The following SMIM3 variants were observed in gnomAD, a reference collection of about 807,000 sequenced individuals.
SMIM3 encodes small integral membrane protein 3.
SMIM3 carries 4 observed loss-of-function variants against 2.1 expected under a neutral mutation model. The ratio of observed to expected loss-of-function variants is 1.89; its 90% CI spans 0.93 to 4.31. SMIM3 has a LOEUF of 4.31. SMIM3 is among the 30% of genes most tolerant of loss of function. The probability of loss-of-function intolerance (pLI) is 0.01; values close to 1 mark genes in which losing one functional copy is unlikely to be tolerated. For synonymous variants in SMIM3, 29 were observed against 30.8 expected, an observed-to-expected ratio of 0.94 and a Z score of 0.19; for missense variants, 79 against 77.7, an observed-to-expected ratio of 1.02 and a Z score of -0.06.
chr5:150,793,457 C>T (rs912086186), intron 1 of SMIM3, among the ~76,000 whole-genome samples: 2 of 152,130 alleles, frequency 1.3e-5, no homozygotes, highest in African/African-American at 4.8e-5. Flanking sequence ...TAGTATGGTA[C>T]TGGTATAAAA....
intron 1 of SMIM3, among the ~76,000 whole-genome samples, chr5:150,785,818 A>G (rs1753285890): frequency 6.6e-6 from 1 of 151,808 alleles, no homozygotes; most frequent in African/African-American, 2.4e-5. Flanking sequence ...CCTGACCTCA[A>G]ATGATCTGCC....
chr5:150,779,116 T>C, intron 1 of SMIM3, 144 bp downstream of exon 1: 1 of 399,416 alleles, frequency 2.5e-6, no homozygotes, highest in East Asian at 7.2e-5. Context: ...ATTTCTCCCT[T>C]TTCATCACTT....
chr5:150,786,476 G>A (rs753690925), intron 1 of SMIM3, among the ~76,000 whole-genome samples: 1 of 151,986 alleles, frequency 6.6e-6, no homozygotes, highest in African/African-American at 2.4e-5. Context: ...TTGTGGAGAT[G>A]GGATTTTGCC....
At position 150,788,779 on chromosome 5, in the gene SMIM3, C is replaced by G. The variant is rs144408807; in HGVS notation, c.-11-6651C>G. 5.9e-5 allele frequency among the ~76,000 whole-genome samples: 9 copies of G among 152,040 alleles called. No homozygotes were observed. The East Asian group carries it at 1.7e-3, about 29-fold the overall frequency. On this transcript the variant is annotated intron_variant, in intron 1 of 1. Transcript: ENST00000526627. ...ATTGTTGACTTTTCCATTGAATTGG[C>G]TAAGTTACTTAACCCCTATGGACTG...
intron 1 of SMIM3, among the ~76,000 whole-genome samples, chr5:150,794,837 T>A (rs1358708680): frequency 6.6e-6 from 1 of 152,200 alleles, no homozygotes; most frequent in Non-Finnish European, 1.5e-5. Context: ...TATACCTTTT[T>A]AATTTTATTT....
chr5:150,787,516 T>C (rs1529477), intron 1 of SMIM3, among the ~76,000 whole-genome samples: 22,013 of 152,156 alleles, frequency 0.14, 2,863 homozygotes, highest in African/African-American at 0.34. Flanking sequence ...TGCTTATACA[T>C]TGGGTCTGTG....
In SMIM3 at chr5:150,796,661, T is replaced by G. The variant is rs1753412548; in HGVS notation, c.*1038T>G. The G allele has an allele frequency of 6.6e-6, 1 of 152,380 alleles. No homozygotes were observed. The highest frequency in any genetic ancestry group is 2.4e-5 in the African/African-American group (1 of 41,460). 9.4% of individuals were successfully genotyped at this position (152,380 alleles called of 1,614,324 possible). ...GCACAGATATCGGGATATTATTGTG[T>G]GAAAATGCTGCTTTTACTTTGATGT... On this transcript the variant is annotated 3_prime_UTR_variant, in exon 2 of 2. Coordinates refer to ENST00000526627, the MANE Select transcript of SMIM3 (RefSeq NM_032947.5).
At chr5:150,783,429 A>G (rs1753257129) in intron 1 of SMIM3, among the ~76,000 whole-genome samples, 1 of 152,220 alleles carries the variant, frequency 6.6e-6, no homozygotes, top group African/African-American at 2.4e-5. Flanking sequence ...ATTCTGCAAA[A>G]TACTTGAAGA....
chr5:150,786,123 C>G (rs1287293394), intron 1 of SMIM3, among the ~76,000 whole-genome samples: 1 of 151,914 alleles, frequency 6.6e-6, no homozygotes, highest in African/African-American at 2.4e-5. Flanking sequence ...TATTTTCCAT[C>G]CTTTTGTTTA....
chr5:150,785,433 A>G (rs1753280656), intron 1 of SMIM3, among the ~76,000 whole-genome samples: 1 of 151,288 alleles, frequency 6.6e-6, no homozygotes, highest in Non-Finnish European at 1.5e-5. Flanking sequence ...ATTTCTGTTC[A>G]CCTCTTTGAA....
chr5:150,796,625 G>A lies in SMIM3; in HGVS notation c.*1002G>A, dbSNP rs983922669. 6.6e-6 allele frequency: 1 copy of A among 152,366 alleles called. No homozygotes were observed. The allele number at this position is 152,366 out of a possible 1,614,324, so 9.4% of individuals were successfully genotyped here. On this transcript the variant is annotated 3_prime_UTR_variant, in exon 2 of 2. Coordinates refer to ENST00000526627, the MANE Select transcript of SMIM3 (RefSeq NM_032947.5). ...AGCATCTTGGGATTTATTAAATTAT[G>A]TAAGAAGATAGCACAGATATCGGGA...
intron 1 of SMIM3, among the ~76,000 whole-genome samples, chr5:150,783,156 C>A (rs1753253844): frequency 1.3e-5 from 2 of 152,320 alleles, no homozygotes; most frequent in South Asian, 4.1e-4. Context: ...AAAGAGCATT[C>A]TGAGAAGGAA....
intron 1 of SMIM3, among the ~76,000 whole-genome samples, chr5:150,785,636 G>A (rs967441654): frequency 1.4e-5 from 2 of 139,618 alleles, no homozygotes; most frequent in Non-Finnish European, 3.0e-5. Context: ...AGGCTGGAGC[G>A]CAGTGGTGCC....
intron 1 of SMIM3, among the ~76,000 whole-genome samples, chr5:150,789,650 C>T (rs1753328918): frequency 6.6e-6 from 1 of 152,172 alleles, no homozygotes. Context: ...ACCAAGTAAG[C>T]CCGCTGCACT....
At position 150,778,927 on chromosome 5, in the gene SMIM3, G is replaced by C. The variant is rs1029039096; in HGVS notation, c.-57G>C. 5 of 515,626 alleles carry C rather than the reference G, an allele frequency of 9.7e-6. No homozygotes were observed. The highest frequency in any genetic ancestry group is 4.0e-5 in the Admixed American group (2 of 49,434). The allele number at this position is 515,626 out of a possible 1,614,324, so 31.9% of individuals were successfully genotyped here. A position where few individuals can be genotyped will look rare whatever the true frequency, so the allele number is the denominator to read the frequency against. ...TCCTGGGGACCCTGAGAAGCACCGA[G>C]CCATCCCTGACCCAGGAACTTTCCG... is the stretch of plus-strand genomic sequence containing the variant. On this transcript the variant is annotated 5_prime_UTR_variant, in exon 1 of 2. Transcript: ENST00000526627.
chr5:150,781,650 G>A (rs915276847), intron 1 of SMIM3, among the ~76,000 whole-genome samples: 2 of 152,120 alleles, frequency 1.3e-5, no homozygotes, highest in Admixed American at 1.3e-4. Context: ...TGGTGGTGGT[G>A]GGCATTATTC....
intron 1 of SMIM3, among the ~76,000 whole-genome samples, chr5:150,792,060 A>AAAGT (rs1394733297): frequency 6.6e-6 from 1 of 152,206 alleles, no homozygotes; most frequent in Non-Finnish European, 1.5e-5. Flanking sequence ...AATAATGCAG[A>AAAGT]AAGTAACATC....
At chr5:150,786,729 A>G (rs1753297338) in intron 1 of SMIM3, among the ~76,000 whole-genome samples, 1 of 152,158 alleles carries the variant, frequency 6.6e-6, no homozygotes, top group Non-Finnish European at 1.5e-5. Context: ...GATGACTCCA[A>G]TATCTGGAGC....
intron 1 of SMIM3, among the ~76,000 whole-genome samples, chr5:150,786,113 T>TG (rs1219434610): frequency 6.9e-6 from 1 of 144,908 alleles, no homozygotes; most frequent in African/African-American, 2.8e-5. Flanking sequence ...TCTTTTTCTG[T>TG]ATTTTCCATC....
Sources: gnomAD v4.1 joint callset for allele counts (sites outside exome capture counted in the v4.1 genomes callset) on GRCh38, gnomAD v4.1.1 for gene constraint, MANE v1.5 for transcripts, NCBI Gene and HGNC (gene_info 2026-07-23, HGNC 2026-07-21) for gene names.